PDE4B: variants seen among roughly 807,000 people sequenced by gnomAD.
PDE4B encodes 3',5'-cyclic-AMP phosphodiesterase 4B.
A neutral mutation model predicts 82.2 loss-of-function variants in PDE4B; 20 were observed. The observed-to-expected ratio is 0.24, with a 90% CI of 0.17 to 0.35. The LOEUF (loss-of-function observed/expected upper bound fraction) is 0.35, where lower values mean the gene tolerates loss of function less well. PDE4B is among the 10% of genes least tolerant of loss of function. The pLI, the probability that PDE4B is intolerant of heterozygous loss-of-function variation, is 1.00. For synonymous variants in PDE4B, 320 were observed against 318.9 expected (o/e 1.00, Z -0.04); for missense variants, 655 against 907.2 (o/e 0.72, Z 3.57).
At chr1:65,861,417 T>C (rs1369617313) in intron 1 of PDE4B, among the ~76,000 whole-genome samples, 2 of 152,234 alleles carry the variant, frequency 1.3e-5, no homozygotes, top group Non-Finnish European at 2.9e-5. Context: ...ATATCTGTTT[T>C]GGTACCAGTA....
intron 3 of PDE4B, among the ~76,000 whole-genome samples, chr1:66,167,916 G>A (rs1485272574): frequency 6.6e-6 from 1 of 152,122 alleles, no homozygotes; most frequent in Non-Finnish European, 1.5e-5. Context: ...TGCCAGATTA[G>A]ATTAAATGTA....
At position 66,368,236 on chromosome 1, in the gene PDE4B, T is replaced by G. The variant is rs1663394876; in HGVS notation, c.1662+171T>G. ...AGGAAAATGGACATTCAAGTTTATC[T>G]TCTAATTTATGAGGAAAAATAATCT... On this transcript the variant is annotated intron_variant, in intron 15 of 16. Coordinates refer to ENST00000341517, the MANE Select transcript of PDE4B (RefSeq NM_002600.4). 5 of 591,078 alleles carry G rather than the reference T, an allele frequency of 8.5e-6. No homozygotes were observed. In the South Asian group the frequency reaches 1.4e-4, roughly 16 times the overall value. The allele number at this position is 591,078 out of a possible 1,614,324, so 36.6% of individuals were successfully genotyped here.
intron 1 of PDE4B, among the ~76,000 whole-genome samples, chr1:65,800,301 A>G (rs540945740): frequency 6.6e-6 from 1 of 152,334 alleles, no homozygotes; most frequent in South Asian, 2.1e-4. Context: ...ATAAGACTGA[A>G]TTGTTTTGCA....
chr1:65,982,198 G>A lies in PDE4B; in HGVS notation c.281+63363G>A, dbSNP rs1305258270. ...CATCTTCTTGGAAACTGGAGGAACGGTGATCCTTATTATAAAATAGAAAAG... is the reference window on the plus strand; with the variant it reads ...CATCTTCTTGGAAACTGGAGGAACGATGATCCTTATTATAAAATAGAAAAG... On this transcript the variant is annotated intron_variant, in intron 3 of 16. Transcript: ENST00000341517. 2.0e-5 allele frequency among the ~76,000 whole-genome samples: 3 copies of A among 152,196 alleles called. No homozygotes were observed. In the East Asian group the frequency reaches 5.8e-4, roughly 29 times the overall value.
At chr1:66,211,920 A>C (rs888879629) in intron 3 of PDE4B, among the ~76,000 whole-genome samples, 1 of 152,194 alleles carries the variant, frequency 6.6e-6, no homozygotes, top group Non-Finnish European at 1.5e-5. Flanking sequence ...ATACTTGGTG[A>C]ATCTAACCCT....
intron 3 of PDE4B, among the ~76,000 whole-genome samples, chr1:66,066,452 G>T (rs1449123238): frequency 1.3e-5 from 2 of 151,818 alleles, no homozygotes; most frequent in African/African-American, 4.8e-5. Context: ...ATGATTGGTA[G>T]TATTTCTGTT....
At position 66,372,542 on chromosome 1, in the gene PDE4B, C is replaced by T. The variant is rs1442161281; in HGVS notation, c.2075C>T (p.Pro692Leu). 4 of 1,613,988 alleles carry T rather than the reference C, an allele frequency of 2.5e-6. No homozygotes were observed. Among genetic ancestry groups the T allele is most frequent in the Non-Finnish European group, 3.4e-6 (4 of 1,180,016 alleles). ...CTCGATGAGGAAGATTCTGAAGGAC[C>T]TGAGAAGGAGGGAGAGGGACACAGC... The part of the protein sequence containing the change: ...LTLDEEDSEG[P>L]EKEGEGHSYF... Residue 692 changes from proline to leucine, a missense_variant, in exon 17 of 17, where the codon CCT becomes CTT. Physicochemically the swap from Pro to Leu is moderately conservative, Grantham distance 98. Coordinates refer to ENST00000341517, the MANE Select transcript of PDE4B (RefSeq NM_002600.4).
At chr1:66,203,741 C>G (rs200873197) in intron 3 of PDE4B, among the ~76,000 whole-genome samples, 1 of 116,200 alleles carries the variant, frequency 8.6e-6, no homozygotes, top group Non-Finnish European at 2.1e-5. Flanking sequence ...TTCTAGTTAT[C>G]CATTCATCTA....
chr1:65,823,263 G>A (rs1645975670), intron 1 of PDE4B, among the ~76,000 whole-genome samples: 1 of 151,924 alleles, frequency 6.6e-6, no homozygotes, highest in Admixed American at 6.6e-5. Flanking sequence ...GGGTGTGGTG[G>A]TGTGTGTCTG....
chr1:65,908,306 T>C (rs1350672791), intron 1 of PDE4B, among the ~76,000 whole-genome samples: 1 of 152,128 alleles, frequency 6.6e-6, no homozygotes, highest in Non-Finnish European at 1.5e-5. Flanking sequence ...AGAGAATCTG[T>C]TAAATATAGT....
At chr1:65,847,511 C>T (rs1405653716) in intron 1 of PDE4B, among the ~76,000 whole-genome samples, 2 of 152,200 alleles carry the variant, frequency 1.3e-5, no homozygotes, top group Non-Finnish European at 2.9e-5. Flanking sequence ...GGGGCTACCT[C>T]TTTCTCTTAG....
chr1:65,815,110 A>C (rs1407222875), intron 1 of PDE4B, among the ~76,000 whole-genome samples: 3 of 151,430 alleles, frequency 2.0e-5, no homozygotes, highest in Non-Finnish European at 2.9e-5. Flanking sequence ...CACAATGTGC[A>C]GGTTAGTTAC....
At chr1:65,995,478 G>A (rs765489772) in intron 3 of PDE4B, among the ~76,000 whole-genome samples, 22 of 151,978 alleles carry the variant, frequency 1.4e-4, no homozygotes, top group Non-Finnish European at 2.9e-4. Flanking sequence ...CCCTTGCTTC[G>A]CCTTTTTGTC....
chr1:66,233,568 C>T (rs1050136356), intron 3 of PDE4B, among the ~76,000 whole-genome samples: 4 of 152,040 alleles, frequency 2.6e-5, no homozygotes, highest in East Asian at 3.9e-4. Flanking sequence ...TGAGTAGAAG[C>T]GGAAAGAACA....
chr1:66,309,099 A>C (rs570554933), intron 7 of PDE4B, among the ~76,000 whole-genome samples: 2 of 152,308 alleles, frequency 1.3e-5, no homozygotes, highest in South Asian at 4.1e-4. Context: ...TTCAGGATTC[A>C]CCAAACTATT....
intron 3 of PDE4B, among the ~76,000 whole-genome samples, chr1:66,125,264 A>G (rs908782656): frequency 4.0e-5 from 6 of 151,302 alleles, no homozygotes; most frequent in Non-Finnish European, 7.4e-5. Context: ...CCTAGGTTCA[A>G]GCGATTCTCC....
chr1:65,818,994 G>A (rs1242824269), intron 1 of PDE4B, among the ~76,000 whole-genome samples: 1 of 152,094 alleles, frequency 6.6e-6, no homozygotes, highest in Non-Finnish European at 1.5e-5. Flanking sequence ...CATGCCCATT[G>A]TGAGTGTGGT....
At chr1:66,075,740 C>T (rs1017674904) in intron 3 of PDE4B, among the ~76,000 whole-genome samples, 1 of 152,008 alleles carries the variant, frequency 6.6e-6, no homozygotes, top group African/African-American at 2.4e-5. Flanking sequence ...AAGAAGACCT[C>T]TGGGCTTTGT....
intron 1 of PDE4B, among the ~76,000 whole-genome samples, chr1:65,862,190 A>G (rs549436228): frequency 6.6e-6 from 1 of 152,300 alleles, no homozygotes; most frequent in East Asian, 1.9e-4. Context: ...TGGGTTTGTC[A>G]TAAATAGCTC....
Sources: gnomAD v4.1 joint callset for allele counts (sites outside exome capture counted in the v4.1 genomes callset) on GRCh38, gnomAD v4.1.1 for gene constraint, MANE v1.5 for transcripts, NCBI Gene and HGNC (gene_info 2026-07-23, HGNC 2026-07-21) for gene names.